PTPRD: variants seen among roughly 807,000 people sequenced by gnomAD.
PTPRD encodes the protein receptor-type tyrosine-protein phosphatase delta.
In PTPRD, 34 loss-of-function variants were observed where a neutral mutation model predicts 214.5. The observed-to-expected ratio is 0.16, with a 90% confidence interval of 0.12 to 0.21. The LOEUF (loss-of-function observed/expected upper bound fraction) is 0.21, where lower values mean the gene tolerates loss of function less well. Among genes scored for constraint, PTPRD ranks in the 10% least tolerant of loss-of-function variants. The pLI, the probability that PTPRD is intolerant of heterozygous loss-of-function variation, is 1.00. For synonymous variants in PTPRD, 1,128 were observed against 845.7 expected (o/e 1.33, Z -5.79); for missense variants, 2,545 against 2,398.7 (o/e 1.06, Z -1.27).
chr9:10,056,202 T>G (rs2097644127), intron 3 of PTPRD, among the ~76,000 whole-genome samples: 1 of 151,788 alleles, frequency 6.6e-6, no homozygotes, highest in African/African-American at 2.4e-5. Flanking sequence ...GTGCCTGTTA[T>G]CCCAGCTAGT....
intron 9 of PTPRD, among the ~76,000 whole-genome samples, chr9:9,279,793 T>A (rs536852322): frequency 6.6e-6 from 1 of 151,286 alleles, no homozygotes; most frequent in African/African-American, 2.4e-5. Context: ...AACTTTTCTA[T>A]ATAGTTTAAT....
At chr9:9,856,841 A>T (rs1232574394) in intron 5 of PTPRD, among the ~76,000 whole-genome samples, 4 of 152,170 alleles carry the variant, frequency 2.6e-5, no homozygotes, top group African/African-American at 9.7e-5. Flanking sequence ...CTCTATTGAT[A>T]AGTGAGCTGA....
At chr9:9,841,210 TG>T (rs1187730018) in intron 5 of PTPRD, among the ~76,000 whole-genome samples, 1 of 152,122 alleles carries the variant, frequency 6.6e-6, no homozygotes, top group Non-Finnish European at 1.5e-5. Flanking sequence ...GTAGTGGTAG[TG>T]GGGTTAACAG....
chr9:8,684,441 C>G (rs2097632320), intron 12 of PTPRD, among the ~76,000 whole-genome samples: 1 of 152,074 alleles, frequency 6.6e-6, no homozygotes, highest in South Asian at 2.1e-4. Flanking sequence ...TGACTGCAAA[C>G]CCCATGATAC....
intron 7 of PTPRD, among the ~76,000 whole-genome samples, chr9:9,633,089 G>A (rs1321398231): frequency 6.6e-6 from 1 of 152,120 alleles, no homozygotes; most frequent in Non-Finnish European, 1.5e-5. Context: ...GAGGTCAGGA[G>A]TTCGAGACCA....
intron 35 of PTPRD, among the ~76,000 whole-genome samples, chr9:8,419,096 C>T (rs907072823): frequency 6.6e-6 from 1 of 151,774 alleles, no homozygotes; most frequent in Non-Finnish European, 1.5e-5. Flanking sequence ...TAATGCACAC[C>T]TGTAGTCCCA....
At chr9:9,582,641 T>A (rs1456888118) in intron 7 of PTPRD, among the ~76,000 whole-genome samples, 2 of 152,124 alleles carry the variant, frequency 1.3e-5, no homozygotes, top group African/African-American at 4.8e-5. Flanking sequence ...TATATCTCAA[T>A]AAAGCTGTTA....
At chr9:10,610,132 A>C (rs966075283) in intron 2 of PTPRD, among the ~76,000 whole-genome samples, 2 of 152,022 alleles carry the variant, frequency 1.3e-5, no homozygotes, top group African/African-American at 4.8e-5. Flanking sequence ...AGTTGCAACT[A>C]CCTCTGTACA....
chr9:9,761,457 G>C (rs960083379), intron 6 of PTPRD, among the ~76,000 whole-genome samples: 3 of 152,074 alleles, frequency 2.0e-5, no homozygotes, highest in African/African-American at 7.2e-5. Flanking sequence ...CGTAGTGTTG[G>C]AACTATTCAA....
chr9:9,328,533 G>A (rs914792136), intron 9 of PTPRD, among the ~76,000 whole-genome samples: 1 of 143,056 alleles, frequency 7.0e-6, no homozygotes, highest in African/African-American at 2.6e-5. Context: ...TAGCATATGT[G>A]TTTATATTGA....
intron 3 of PTPRD, among the ~76,000 whole-genome samples, chr9:10,082,047 A>C (rs1319781403): frequency 1.3e-5 from 2 of 152,046 alleles, no homozygotes; most frequent in Non-Finnish European, 2.9e-5. Flanking sequence ...AAATATCAAC[A>C]ATAAATCTGT....
At chr9:8,337,644 C>T (rs1028077792) in intron 43 of PTPRD, among the ~76,000 whole-genome samples, 6 of 151,382 alleles carry the variant, frequency 4.0e-5, no homozygotes, top group African/African-American at 1.2e-4. Context: ...GAAAATTATA[C>T]AATCACAGGG....
intron 12 of PTPRD, among the ~76,000 whole-genome samples, chr9:8,638,132 C>A (rs1412089194): frequency 7.2e-6 from 1 of 139,616 alleles, no homozygotes; most frequent in Non-Finnish European, 1.5e-5. Flanking sequence ...AATTTCTAAT[C>A]CCTGTTACAG....
intron 4 of PTPRD, among the ~76,000 whole-genome samples, chr9:9,960,964 G>C (rs530749191): frequency 6.6e-6 from 1 of 151,794 alleles, no homozygotes; most frequent in East Asian, 1.9e-4. Context: ...AAATTTACAA[G>C]AAAAAAACAA....
intron 14 of PTPRD, among the ~76,000 whole-genome samples, chr9:8,551,252 AT>A (rs1003950400): frequency 6.6e-6 from 1 of 151,894 alleles, no homozygotes; most frequent in Admixed American, 6.6e-5. Context: ...TTGTAATTAA[AT>A]TTTTTTTCAA....
intron 13 of PTPRD, among the ~76,000 whole-genome samples, chr9:8,633,671 A>C (rs1174377441): frequency 2.6e-5 from 4 of 152,116 alleles, no homozygotes; most frequent in Non-Finnish European, 5.9e-5. Flanking sequence ...ACATATGCAA[A>C]ACATGGAGAT....
At chr9:9,055,905 C>G (rs1348373529) in intron 10 of PTPRD, among the ~76,000 whole-genome samples, 2 of 151,684 alleles carry the variant, frequency 1.3e-5, no homozygotes, top group Non-Finnish European at 2.9e-5. Context: ...GTCTGGTATT[C>G]TCAATGAGTT....
intron 20 of PTPRD, among the ~76,000 whole-genome samples, chr9:8,518,871 T>G (rs1203059657): frequency 6.6e-6 from 1 of 151,612 alleles, no homozygotes; most frequent in East Asian, 2.0e-4. Context: ...CAAAAAAACC[T>G]TAGTATTAGC....
chr9:10,352,847 C>T (rs899338475), intron 2 of PTPRD, among the ~76,000 whole-genome samples: 2 of 151,884 alleles, frequency 1.3e-5, no homozygotes, highest in South Asian at 2.1e-4. Context: ...CTAGAGAAAT[C>T]CTCATTAACT....
Sources: gnomAD v4.1 joint callset for allele counts (sites outside exome capture counted in the v4.1 genomes callset) on GRCh38, gnomAD v4.1.1 for gene constraint, MANE v1.5 for transcripts, NCBI Gene and HGNC (gene_info 2026-07-23, HGNC 2026-07-21) for gene names.